NBAS: variants seen among roughly 807,000 people sequenced by gnomAD.
NBAS encodes the protein NAG/BC035112 fusion.
Under a neutral mutation model 302.5 loss-of-function variants are expected in NBAS, and 219 were observed. That is an observed-to-expected ratio of 0.72 (90% CI 0.65 to 0.81). The LOEUF (loss-of-function observed/expected upper bound fraction) is 0.81, where lower values mean the gene tolerates loss of function less well. NBAS is among the 30% of genes least tolerant of loss of function. NBAS has a pLI of 0.00. For synonymous variants in NBAS, 1,118 were observed against 1,021.6 expected, an observed-to-expected ratio of 1.09 and a Z score of -1.80; for missense variants, 2,932 against 2,841.6, an observed-to-expected ratio of 1.03 and a Z score of -0.72.
the NBAS span, among the ~76,000 whole-genome samples, chr2:15,091,566 T>G: frequency 6.6e-6 from 1 of 151,900 alleles, no homozygotes; most frequent in East Asian, 1.9e-4. Context: ...GGAGTCTTGC[T>G]CTGTTGCCCA....
At chr2:14,798,516 T>C in the NBAS span, among the ~76,000 whole-genome samples, 1 of 152,194 alleles carries the variant, frequency 6.6e-6, no homozygotes, top group East Asian at 1.9e-4. Flanking sequence ...TCTGCATTCA[T>C]AAGTGCTATT....
chr2:15,365,030 T>C (rs1263848147), intron 32 of NBAS, among the ~76,000 whole-genome samples: 1 of 152,224 alleles, frequency 6.6e-6, no homozygotes. Flanking sequence ...TCGAGTCTTC[T>C]ATTATTTGTT....
At chr2:15,313,500 T>G (rs895155586) in intron 38 of NBAS, among the ~76,000 whole-genome samples, 2 of 152,224 alleles carry the variant, frequency 1.3e-5, no homozygotes, top group African/African-American at 4.8e-5. Flanking sequence ...ATGTCTTTCT[T>G]GATCAGTACC....
chr2:14,798,569 T>C, the NBAS span, among the ~76,000 whole-genome samples: 3 of 152,168 alleles, frequency 2.0e-5, no homozygotes, highest in African/African-American at 7.2e-5. Flanking sequence ...TATTTTGTTA[T>C]CAGACCAATG....
In NBAS at chr2:15,186,857, C is replaced by T. The variant is rs767083432; in HGVS notation, c.6596G>A (p.Arg2199Lys). ...EYVITNNPWVRLATVMLTRCT... is the reference protein window; with the variant it reads ...EYVITNNPWVKLATVMLTRCT... ...TCTGGTTAGCATCACTGTAGCTAGT[C>T]TCACCCATGGATTATTGGTTATGCT... Residue 2199 changes from arginine (R) to lysine (K), a missense_variant, in exon 50 of 52, where the codon AGA (arginine) becomes AAA (lysine). By Grantham distance (26) the Arg-to-Lys change is conservative (BLOSUM62 2). Transcript: ENST00000281513. 6.2e-7 allele frequency: 1 copy of T among 1,613,930 alleles called. No homozygotes were observed. The highest frequency in any genetic ancestry group is 8.5e-7 in the Non-Finnish European group (1 of 1,179,964).
At chr2:14,880,261 C>T in the NBAS span, among the ~76,000 whole-genome samples, 14 of 152,164 alleles carry the variant, frequency 9.2e-5, no homozygotes, top group East Asian at 1.7e-3. Context: ...TTCAGAAAAT[C>T]TAAGACCTTT....
At chr2:15,020,046 A>C in the NBAS span, among the ~76,000 whole-genome samples, 2 of 152,162 alleles carry the variant, frequency 1.3e-5, no homozygotes, top group African/African-American at 4.8e-5. Context: ...AGGGAAAGCC[A>C]TCCAAGTTCA....
chr2:15,406,295 A>C (rs777454854), intron 25 of NBAS, among the ~76,000 whole-genome samples: 1 of 152,122 alleles, frequency 6.6e-6, no homozygotes, highest in Non-Finnish European at 1.5e-5. Context: ...GGTATATGAC[A>C]AAGGTGGCAT....
the NBAS span, among the ~76,000 whole-genome samples, chr2:15,161,466 A>G: frequency 6.6e-6 from 1 of 152,228 alleles, no homozygotes. Context: ...AACTTGGGAA[A>G]AGAGAGATGA....
the NBAS span, among the ~76,000 whole-genome samples, chr2:15,048,843 C>G: frequency 1.3e-5 from 2 of 152,218 alleles, no homozygotes; most frequent in Non-Finnish European, 2.9e-5. Flanking sequence ...AAGACACTGT[C>G]CCTCCATCAA....
In NBAS at chr2:15,276,842, C is replaced by T; in HGVS notation, c.5389+9G>A. The T allele has an allele frequency of 6.2e-7, 1 of 1,613,972 alleles. No homozygotes were observed. Among genetic ancestry groups the T allele is most frequent in the South Asian group, 1.1e-5 (1 of 91,068 alleles). The stretch of plus-strand genomic sequence containing the variant: ...AGAATGAATTCAAGCAGGGAAACAA[C>T]CATCCTACCTGATGCAACAACCTTA... On this transcript the variant is annotated intron_variant, in intron 43 of 51. Transcript: ENST00000281513.
chr2:14,805,646 G>A, the NBAS span, among the ~76,000 whole-genome samples: 2 of 152,150 alleles, frequency 1.3e-5, no homozygotes, highest in Admixed American at 1.3e-4. Flanking sequence ...GATAATAGTG[G>A]CCTGGACAAG....
At chr2:15,532,786 T>A (rs577572900) in intron 9 of NBAS, among the ~76,000 whole-genome samples, 1 of 152,010 alleles carries the variant, frequency 6.6e-6, no homozygotes, top group African/African-American at 2.4e-5. Flanking sequence ...ACTAAACACT[T>A]GAAATTATGT....
At chr2:14,935,540 A>T in the NBAS span, among the ~76,000 whole-genome samples, 1 of 152,142 alleles carries the variant, frequency 6.6e-6, no homozygotes, top group Non-Finnish European at 1.5e-5. Flanking sequence ...TGTAAACGGT[A>T]CTTATGAAAG....
Position 15,374,667 on chromosome 2 carries a change from T to C in NBAS, c.3644A>G (p.Asp1215Gly), listed in dbSNP as rs769776382. ...DRPPAIQEEL[D>G]LIQAVGCLEE... is the part of the protein sequence containing the mutation. ...AAGACATCCAACGGCTTGGATAAGA[T>C]CTAGCTCCTCTTGAATGGCAGGGGG... is the stretch of plus-strand genomic sequence containing the variant. The change falls in exon 31 of 52, where the codon GAT becomes GGT. Residue 1215 changes from aspartate (D) to glycine (G), a missense_variant. By Grantham distance (94) the Asp-to-Gly change is moderately conservative. Transcript: ENST00000281513. 1.2e-6 allele frequency: 2 copies of C among 1,614,016 alleles called. No homozygotes were observed. Among genetic ancestry groups the C allele is most frequent in the South Asian group, 1.1e-5 (1 of 91,078 alleles).
the NBAS span, among the ~76,000 whole-genome samples, chr2:15,095,619 G>A: frequency 7.2e-5 from 11 of 152,340 alleles, no homozygotes; most frequent in African/African-American, 2.4e-4. Context: ...CTGTTCAGCT[G>A]TGATTTTCTG....
chr2:15,367,809 A>G (rs1211554490), intron 31 of NBAS, among the ~76,000 whole-genome samples: 3 of 152,164 alleles, frequency 2.0e-5, no homozygotes, highest in Non-Finnish European at 4.4e-5. Context: ...ATTTACTACA[A>G]TTTAATGTTG....
chr2:15,036,430 C>G, the NBAS span, among the ~76,000 whole-genome samples: 122,076 of 152,152 alleles, frequency 0.8, 49,498 homozygotes, highest in East Asian at 1. Context: ...TAGAAAGACA[C>G]AATCCCTGCA....
the NBAS span, among the ~76,000 whole-genome samples, chr2:15,047,581 T>C: frequency 1.7e-3 from 258 of 151,688 alleles, 2 homozygotes; most frequent in African/African-American, 5.8e-3. Context: ...AAGTGAAGGC[T>C]GGGCCCATGC....
Sources: allele counts gnomAD v4.1 joint callset (sites outside exome capture counted in the v4.1 genomes callset), GRCh38; gene constraint gnomAD v4.1.1; transcripts MANE v1.5; gene names NCBI Gene and HGNC (gene_info 2026-07-23, HGNC 2026-07-21).